Variants in SLC35F1 observed in about 807,000 individuals in gnomAD.
SLC35F1 encodes chromosome 6 open reading frame 169.
In SLC35F1, 14 loss-of-function variants were observed where a neutral mutation model predicts 48.7. That is an observed-to-expected ratio of 0.29 (90% CI 0.19 to 0.45). SLC35F1 has a LOEUF of 0.45. Among genes scored for constraint, SLC35F1 ranks in the 20% least tolerant of loss-of-function variants. SLC35F1 has a pLI of 1.00. For missense variants in SLC35F1, 404 were observed against 500.0 expected (o/e 0.81, Z 1.83); for synonymous variants, 190 against 202.2 (o/e 0.94, Z 0.51).
chr6:118,015,033 A>G (rs948024918), intron 1 of SLC35F1, among the ~76,000 whole-genome samples: 1 of 152,238 alleles, frequency 6.6e-6, no homozygotes. Flanking sequence ...CATGGTCGTG[A>G]ATAAGTCTCA....
chr6:118,179,939 T>G (rs1774549030), intron 2 of SLC35F1, among the ~76,000 whole-genome samples: 2 of 152,086 alleles, frequency 1.3e-5, no homozygotes, highest in Non-Finnish European at 2.9e-5. Flanking sequence ...GCAGCAAATG[T>G]GAAATGTTGG....
At chr6:118,061,903 G>A (rs1224963816) in intron 1 of SLC35F1, among the ~76,000 whole-genome samples, 1 of 152,104 alleles carries the variant, frequency 6.6e-6, no homozygotes, top group Non-Finnish European at 1.5e-5. Context: ...AGAGGAGGTG[G>A]AAAAGCTCAC....
At chr6:118,095,176 G>T (rs1340135571) in intron 1 of SLC35F1, among the ~76,000 whole-genome samples, 1 of 152,218 alleles carries the variant, frequency 6.6e-6, no homozygotes, top group Non-Finnish European at 1.5e-5. Context: ...TATTTGACAA[G>T]ACAAAGGTCA....
At chr6:118,198,289 T>C (rs905225028) in intron 2 of SLC35F1, among the ~76,000 whole-genome samples, 6 of 152,214 alleles carry the variant, frequency 3.9e-5, no homozygotes, top group Non-Finnish European at 7.3e-5. Context: ...TCTTTAATAC[T>C]GCTTACTTCA....
intron 2 of SLC35F1, among the ~76,000 whole-genome samples, chr6:118,222,511 A>G (rs1775164899): frequency 6.6e-6 from 1 of 152,056 alleles, no homozygotes; most frequent in Non-Finnish European, 1.5e-5. Context: ...ATTGGGGGGT[A>G]TAAAAATATT....
intron 1 of SLC35F1, among the ~76,000 whole-genome samples, chr6:117,977,493 A>T (rs2114847513): frequency 6.6e-6 from 1 of 151,982 alleles, no homozygotes; most frequent in East Asian, 1.9e-4. Flanking sequence ...TATAATAAGG[A>T]TTTTTTTGAT....
At chr6:118,189,005 G>A (rs1562319698) in intron 2 of SLC35F1, among the ~76,000 whole-genome samples, 2 of 152,050 alleles carry the variant, frequency 1.3e-5, no homozygotes, top group African/African-American at 2.4e-5. Context: ...TCGACCTCCT[G>A]GGCTCGAGCA....
At chr6:117,917,814 C>T (rs1442924612) in intron 1 of SLC35F1, among the ~76,000 whole-genome samples, 2 of 119,470 alleles carry the variant, frequency 1.7e-5, no homozygotes, top group Non-Finnish European at 4.1e-5. Flanking sequence ...GATCATGAGT[C>T]CTGGATGCAT....
chr6:118,256,622 C>T (rs1170937655), intron 3 of SLC35F1, among the ~76,000 whole-genome samples: 1 of 151,960 alleles, frequency 6.6e-6, no homozygotes, highest in African/African-American at 2.4e-5. Context: ...TTAAAATAAA[C>T]CATCAGCTTC....
chr6:118,217,219 G>A (rs1032290328), intron 2 of SLC35F1, among the ~76,000 whole-genome samples: 2 of 152,150 alleles, frequency 1.3e-5, no homozygotes, highest in East Asian at 3.8e-4. Context: ...GATGGCTAAG[G>A]TGGAAACAAC....
At chr6:117,995,567 C>A (rs1374837549) in intron 1 of SLC35F1, among the ~76,000 whole-genome samples, 5 of 151,978 alleles carry the variant, frequency 3.3e-5, no homozygotes, top group African/African-American at 1.2e-4. Flanking sequence ...ATGGTGAAAC[C>A]CCGTCTCTAC....
chr6:118,086,976 T>C (rs930721357), intron 1 of SLC35F1, among the ~76,000 whole-genome samples: 1 of 152,212 alleles, frequency 6.6e-6, no homozygotes, highest in African/African-American at 2.4e-5. Flanking sequence ...AAGCCTGATC[T>C]ACATGTTTGG....
chr6:118,153,053 T>C (rs1052511298), intron 1 of SLC35F1, among the ~76,000 whole-genome samples: 3 of 152,190 alleles, frequency 2.0e-5, no homozygotes, highest in African/African-American at 7.2e-5. Flanking sequence ...TTCCTCCTCA[T>C]GGAAGCAGAT....
chr6:118,260,148 T>C (rs894980559), intron 3 of SLC35F1, among the ~76,000 whole-genome samples: 7 of 152,140 alleles, frequency 4.6e-5, no homozygotes, highest in African/African-American at 1.7e-4. Flanking sequence ...ATGATTTCAT[T>C]CATATGAAAT....
chr6:118,187,823 A>G (rs1000025159), intron 2 of SLC35F1, among the ~76,000 whole-genome samples: 1 of 152,248 alleles, frequency 6.6e-6, no homozygotes, highest in Non-Finnish European at 1.5e-5. Flanking sequence ...CACCATTGCC[A>G]CATGGAAGAT....
chr6:118,103,659 C>T (rs1773290376), intron 1 of SLC35F1, among the ~76,000 whole-genome samples: 1 of 152,210 alleles, frequency 6.6e-6, no homozygotes, highest in Non-Finnish European at 1.5e-5. Flanking sequence ...AAATGCCAGC[C>T]AGAGCCCTAT....
At chr6:118,222,399 CT>C (rs71272359) in intron 2 of SLC35F1, among the ~76,000 whole-genome samples, 57 of 143,732 alleles carry the variant, frequency 4.0e-4, no homozygotes, top group South Asian at 1.3e-3. Context: ...AATTTAGGTG[CT>C]TTTTTTTTTT....
intron 3 of SLC35F1, among the ~76,000 whole-genome samples, chr6:118,256,207 T>G (rs79890719): frequency 0.066 from 263 of 3,992 alleles, 2 homozygotes; most frequent in African/African-American, 0.13. Context: ...AGACTTCTGG[T>G]GTGTGTGTGT....
chr6:118,280,417 G>T (rs543452248), intron 6 of SLC35F1, among the ~76,000 whole-genome samples: 1 of 152,286 alleles, frequency 6.6e-6, no homozygotes, highest in East Asian at 1.9e-4. Context: ...GCACAGGCTT[G>T]TGGTATGCAG....
Sources: allele counts gnomAD v4.1 joint callset (sites outside exome capture counted in the v4.1 genomes callset), GRCh38; gene constraint gnomAD v4.1.1; transcripts MANE v1.5; gene names NCBI Gene and HGNC (gene_info 2026-07-23, HGNC 2026-07-21).